The following CDK14 variants were observed in gnomAD, a reference collection of about 807,000 sequenced individuals.
The protein encoded by CDK14 is cyclin-dependent kinase 14.
CDK14 carries 34 observed loss-of-function variants against 60.7 expected under a neutral mutation model. That is an observed-to-expected ratio of 0.56 (90% CI 0.43 to 0.75). The LOEUF is 0.75. CDK14 is among the 30% of genes least tolerant of loss of function. The pLI is 0.00. For synonymous variants in CDK14, 197 were observed against 203.7 expected, an observed-to-expected ratio of 0.97 and a Z score of 0.28; for missense variants, 482 against 564.1, an observed-to-expected ratio of 0.85 and a Z score of 1.47.
At chr7:91,150,430 AT>A (rs931578372) in intron 14 of CDK14, among the ~76,000 whole-genome samples, 29 of 150,572 alleles carry the variant, frequency 1.9e-4, no homozygotes, top group South Asian at 1.3e-3. Flanking sequence ...AACAGTTGTG[AT>A]TTTTTTTTTC....
chr7:90,764,655 G>A (rs964085033), intron 4 of CDK14, among the ~76,000 whole-genome samples: 11 of 152,104 alleles, frequency 7.2e-5, no homozygotes, highest in Non-Finnish European at 2.9e-5. Flanking sequence ...GATTTCAGGC[G>A]TAAGACTTTT....
At chr7:91,185,510 T>C (rs190320364) in intron 14 of CDK14, among the ~76,000 whole-genome samples, 1 of 152,102 alleles carries the variant, frequency 6.6e-6, no homozygotes, top group Non-Finnish European at 1.5e-5. Context: ...TTAGTACATA[T>C]TCCTATAATG....
chr7:90,782,495 T>G (rs1375399873), intron 4 of CDK14, among the ~76,000 whole-genome samples: 1 of 152,196 alleles, frequency 6.6e-6, no homozygotes, highest in East Asian at 1.9e-4. Context: ...ATTTTACTAA[T>G]GCACAAGTTG....
At chr7:90,779,083 C>T (rs1405668782) in intron 4 of CDK14, among the ~76,000 whole-genome samples, 1 of 151,972 alleles carries the variant, frequency 6.6e-6, no homozygotes, top group Non-Finnish European at 1.5e-5. Context: ...GAAACCCCGT[C>T]TCTACTACAG....
At chr7:90,795,354 C>T (rs1366242668) in intron 5 of CDK14, among the ~76,000 whole-genome samples, 1 of 152,002 alleles carries the variant, frequency 6.6e-6, no homozygotes, top group Non-Finnish European at 1.5e-5. Flanking sequence ...GTGAGCACCA[C>T]TCTTCAGTGT....
chr7:90,820,055 T>G (rs1471425523), intron 5 of CDK14, among the ~76,000 whole-genome samples: 1 of 152,112 alleles, frequency 6.6e-6, no homozygotes, highest in Non-Finnish European at 1.5e-5. Flanking sequence ...CAACCCCACT[T>G]TTTTGTATTT....
intron 7 of CDK14, among the ~76,000 whole-genome samples, chr7:90,904,969 T>A (rs1379612788): frequency 6.6e-6 from 1 of 152,172 alleles, no homozygotes; most frequent in Non-Finnish European, 1.5e-5. Flanking sequence ...CAGTGAAGTA[T>A]GAAGGTAAAA....
chr7:90,844,195 TG>T (rs1790388568), intron 5 of CDK14, among the ~76,000 whole-genome samples: 1 of 152,152 alleles, frequency 6.6e-6, no homozygotes, highest in Non-Finnish European at 1.5e-5. Context: ...TACTGGAGCC[TG>T]GAGGGAGGTG....
intron 2 of CDK14, among the ~76,000 whole-genome samples, chr7:90,637,031 C>G (rs1800169667): frequency 6.6e-6 from 1 of 151,736 alleles, no homozygotes; most frequent in East Asian, 1.9e-4. Context: ...CTCTTTTTTT[C>G]TTTATTAGCC....
At chr7:90,961,828 T>A (rs889021876) in intron 9 of CDK14, among the ~76,000 whole-genome samples, 3 of 152,248 alleles carry the variant, frequency 2.0e-5, no homozygotes, top group Non-Finnish European at 4.4e-5. Context: ...GATGACCCTG[T>A]ATTTTATTAT....
intron 14 of CDK14, among the ~76,000 whole-genome samples, chr7:91,142,640 G>T (rs1241334021): frequency 6.6e-6 from 1 of 152,148 alleles, no homozygotes; most frequent in Non-Finnish European, 1.5e-5. Context: ...ATTTAATCAG[G>T]TTTATTATTA....
At chr7:90,870,036 G>A (rs986678585) in intron 6 of CDK14, among the ~76,000 whole-genome samples, 1 of 152,202 alleles carries the variant, frequency 6.6e-6, no homozygotes, top group African/African-American at 2.4e-5. Flanking sequence ...AGGACCATAA[G>A]AAAGTGAGTA....
At position 90,946,078 on chromosome 7, in the gene CDK14, G is replaced by A. The variant is rs552594575; in HGVS notation, c.827-9619G>A. On this transcript the variant is annotated intron_variant, in intron 8 of 14. Transcript: ENST00000380050. ...ATGGATTAGAAACAGTGGAGTGGAG[G>A]CAGAATGAACAGAACTTTGGGCCTC... is the stretch of plus-strand genomic sequence containing the variant. Among the ~76,000 whole-genome samples the A allele has an allele frequency of 5.3e-5, 8 of 152,244 alleles. No homozygotes were observed. In the East Asian group the frequency reaches 1.5e-3, roughly 29 times the overall value.
chr7:90,729,216 C>T (rs571333042), intron 3 of CDK14, among the ~76,000 whole-genome samples: 2 of 151,972 alleles, frequency 1.3e-5, no homozygotes, highest in South Asian at 2.1e-4. Flanking sequence ...AAATTCACTC[C>T]AACTAATCAT....
At chr7:90,856,365 C>A (rs1038946080) in intron 5 of CDK14, among the ~76,000 whole-genome samples, 1 of 152,020 alleles carries the variant, frequency 6.6e-6, no homozygotes, top group Non-Finnish European at 1.5e-5. Flanking sequence ...TATTTTTTAG[C>A]CCTATTCCTC....
At chr7:90,782,732 T>G (rs2116936978) in intron 4 of CDK14, among the ~76,000 whole-genome samples, 1 of 152,268 alleles carries the variant, frequency 6.6e-6, no homozygotes, top group South Asian at 2.1e-4. Flanking sequence ...AAGGCTGTCT[T>G]ATAGAGGAAG....
chr7:90,809,359 T>C (rs569432744), intron 5 of CDK14, among the ~76,000 whole-genome samples: 19 of 152,152 alleles, frequency 1.2e-4, no homozygotes, highest in African/African-American at 4.3e-4. Flanking sequence ...AACAACCTGC[T>C]CCCGAATGAC....
At chr7:90,602,758 A>C (rs1346181406) in intron 1 of CDK14, among the ~76,000 whole-genome samples, 2 of 152,218 alleles carry the variant, frequency 1.3e-5, no homozygotes, top group Admixed American at 6.5e-5. Context: ...TTTATTTTCC[A>C]TTCACTTTCA....
chr7:90,762,870 T>TG (rs1804377967), intron 4 of CDK14, among the ~76,000 whole-genome samples: 1 of 151,996 alleles, frequency 6.6e-6, no homozygotes, highest in South Asian at 2.1e-4. Context: ...GTACCTGTAA[T>TG]CCCAGCTACT....
Sources: allele counts gnomAD v4.1 joint callset (sites outside exome capture counted in the v4.1 genomes callset), GRCh38; gene constraint gnomAD v4.1.1; transcripts MANE v1.5; gene names NCBI Gene and HGNC (gene_info 2026-07-23, HGNC 2026-07-21).